VCAN: variants seen among roughly 807,000 people sequenced by gnomAD.
The protein encoded by VCAN is versican, also known as versican core protein.
VCAN carries 44 observed loss-of-function variants against 245.5 expected under a neutral mutation model. The ratio of observed to expected loss-of-function variants is 0.18; its 90% confidence interval spans 0.14 to 0.23. The LOEUF (loss-of-function observed/expected upper bound fraction) is 0.23, where lower values mean the gene tolerates loss of function less well. VCAN is among the 10% of genes least tolerant of loss of function. The pLI is 1.00. For synonymous variants in VCAN, 1,413 were observed against 1,437.0 expected (o/e 0.98, Z 0.38); for missense variants, 3,793 against 4,057.9 (o/e 0.93, Z 1.77).
At chr5:83,500,312 C>CTA (rs1167056190) in intron 5 of VCAN, among the ~76,000 whole-genome samples, 1 of 152,072 alleles carries the variant, frequency 6.6e-6, no homozygotes, top group Non-Finnish European at 1.5e-5. Context: ...CCGTAGCTTC[C>CTA]TATATAGACT....
At chr5:83,524,121 T>A (rs1042710552) in intron 7 of VCAN, among the ~76,000 whole-genome samples, 1 of 151,976 alleles carries the variant, frequency 6.6e-6, no homozygotes, top group Non-Finnish European at 1.5e-5. Context: ...GAAGTCAAAT[T>A]ACAAAATGGA....
chr5:83,498,595 A>G (rs1745234122), intron 5 of VCAN, among the ~76,000 whole-genome samples: 1 of 152,148 alleles, frequency 6.6e-6, no homozygotes, highest in African/African-American at 2.4e-5. Flanking sequence ...TCTCTTGTAC[A>G]TAACTTGTAA....
chr5:83,496,752 T>C (rs1024524423), intron 5 of VCAN, among the ~76,000 whole-genome samples: 1 of 152,150 alleles, frequency 6.6e-6, no homozygotes, highest in Non-Finnish European at 1.5e-5. Context: ...GCTGATGAGG[T>C]AAGAGGAAGA....
At chr5:83,494,060 T>C in intron 5 of VCAN, 129 bp downstream of exon 5, 2 of 1,464,058 alleles carry the variant, frequency 1.4e-6, no homozygotes, top group Admixed American at 1.7e-5. Context: ...TTTATACGAC[T>C]GTATGATTTT....
At chr5:83,491,982 G>A (rs978708429) in intron 3 of VCAN, among the ~76,000 whole-genome samples, 6 of 151,310 alleles carry the variant, frequency 4.0e-5, no homozygotes, top group Admixed American at 3.3e-4. Flanking sequence ...ATATTTTCTG[G>A]CAATTTTAGA....
intron 6 of VCAN, among the ~76,000 whole-genome samples, chr5:83,518,931 C>T (rs1443583554): frequency 6.6e-6 from 1 of 152,124 alleles, no homozygotes; most frequent in African/African-American, 2.4e-5. Context: ...GGTACAGAAG[C>T]CTCCAGAAGA....
chr5:83,526,572 A>G (rs1746310304), intron 7 of VCAN, among the ~76,000 whole-genome samples: 1 of 152,226 alleles, frequency 6.6e-6, no homozygotes. Context: ...TATCTAGACC[A>G]TTCAAAATAA....
chr5:83,554,283 G>A (rs1388416360), intron 11 of VCAN, among the ~76,000 whole-genome samples: 8 of 152,166 alleles, frequency 5.3e-5, no homozygotes, highest in Admixed American at 2.6e-4. Flanking sequence ...GATCATAGGC[G>A]TGAGCCACCA....
intron 13 of VCAN, among the ~76,000 whole-genome samples, chr5:83,578,447 T>C (rs1407011954): frequency 6.6e-6 from 1 of 151,766 alleles, no homozygotes; most frequent in Non-Finnish European, 1.5e-5. Flanking sequence ...AGTTTAGCTA[T>C]ATAACAAGCC....
chr5:83,483,538 G>C lies in VCAN; in HGVS notation c.20G>C (p.Ser7Thr). The C allele has an allele frequency of 6.2e-7, 1 of 1,613,386 alleles. No homozygotes were observed. The highest frequency in any genetic ancestry group is 1.7e-5 in the Admixed American group (1 of 59,976). Residue 7 changes from serine (S) to threonine (T), a missense_variant, in exon 2 of 15, where the codon AGC becomes ACC. Ser to Thr is a moderately conservative substitution (Grantham distance 58). Transcript: ENST00000265077. ...GCCAAGATGTTCATAAATATAAAGA[G>C]CATCTTATGGATGTGTTCAACCTTA... is the stretch of plus-strand genomic sequence containing the variant. MFINIKSILWMCSTLIV... is the reference protein window; with the variant it reads MFINIKTILWMCSTLIV...
chr5:83,574,130 A>G (rs1748391101), intron 13 of VCAN, among the ~76,000 whole-genome samples: 1 of 152,110 alleles, frequency 6.6e-6, no homozygotes, highest in Non-Finnish European at 1.5e-5. Flanking sequence ...CAGCTCTCAG[A>G]GAAAGACCAG....
intron 5 of VCAN, among the ~76,000 whole-genome samples, chr5:83,499,757 A>G (rs1745273120): frequency 6.6e-6 from 1 of 151,850 alleles, no homozygotes; most frequent in African/African-American, 2.4e-5. Flanking sequence ...ATACCTATTC[A>G]TCAATTATAG....
Position 83,523,406 on chromosome 5 carries a change from ATT to A in VCAN, c.4003+1113_4003+1114del, listed in dbSNP as rs5869183. 7.6e-3 allele frequency among the ~76,000 whole-genome samples: 1,084 copies of A among 142,304 alleles called. 7 individuals are homozygous for A. Among genetic ancestry groups the A allele is most frequent in the East Asian group, 0.029 (141 of 4,904 alleles). 93.4% of individuals were successfully genotyped at this position (142,304 alleles called of 152,430 possible). On this transcript the variant is annotated intron_variant, in intron 7 of 14. Transcript: ENST00000265077. ...TGGCTCTGAGAAGACAGGATAGAAG[ATT>A]TTTTTTTTTTTTTTTAAGCAGGGTT...
rs138723956 is a variant in VCAN, at chr5:83,476,191, G to C, written c.-7+4168G>C. On this transcript the variant is annotated intron_variant, in intron 1 of 14. Coordinates refer to ENST00000265077, the MANE Select transcript of VCAN (RefSeq NM_004385.5). ...TGATTGGTCACTTAATTGAGTAACAGAGCCTTTGAGAGCGCAAAGATCAAC... is the reference window on the plus strand; with the variant it reads ...TGATTGGTCACTTAATTGAGTAACACAGCCTTTGAGAGCGCAAAGATCAAC... Among the ~76,000 whole-genome samples, 126 of 152,310 alleles carry C rather than the reference G, an allele frequency of 8.3e-4. 1 individual carries two copies. The Middle Eastern group carries it at 0.031, about 37-fold the overall frequency.
At chr5:83,578,704 A>G (rs1748562270) in intron 13 of VCAN, among the ~76,000 whole-genome samples, 1 of 152,132 alleles carries the variant, frequency 6.6e-6, no homozygotes, top group South Asian at 2.1e-4. Flanking sequence ...TTCCCACTGA[A>G]TATTTGCAAT....
At chr5:83,575,218 C>T (rs571922628) in intron 13 of VCAN, among the ~76,000 whole-genome samples, 2 of 152,178 alleles carry the variant, frequency 1.3e-5, no homozygotes, top group South Asian at 2.1e-4. Flanking sequence ...ACATCAAGCC[C>T]GAGTCTCATA....
intron 2 of VCAN, 28 bp from the exon 3 acceptor site, chr5:83,490,070 T>C (rs1316679966): frequency 3.1e-6 from 5 of 1,612,848 alleles, no homozygotes; most frequent in Non-Finnish European, 4.2e-6. Context: ...TTTAAGATTG[T>C]TAATTTGTTA....
chr5:83,576,662 G>A (rs970382243), intron 13 of VCAN, among the ~76,000 whole-genome samples: 2 of 152,058 alleles, frequency 1.3e-5, no homozygotes, highest in South Asian at 2.1e-4. Flanking sequence ...TTCCAAAGTG[G>A]TGGTACCAAT....
At chr5:83,574,403 T>G (rs1167226416) in intron 13 of VCAN, among the ~76,000 whole-genome samples, 6 of 152,182 alleles carry the variant, frequency 3.9e-5, no homozygotes, top group African/African-American at 1.4e-4. Flanking sequence ...GTATTTAAAT[T>G]TCCAAATAAA....
Sources: allele counts gnomAD v4.1 joint callset (sites outside exome capture counted in the v4.1 genomes callset), GRCh38; gene constraint gnomAD v4.1.1; transcripts MANE v1.5; gene names NCBI Gene and HGNC (gene_info 2026-07-23, HGNC 2026-07-21).